UCKL1: variants seen among roughly 807,000 people sequenced by gnomAD.
The protein encoded by UCKL1 is uridine-cytidine kinase-like 1.
A neutral mutation model predicts 59.2 loss-of-function variants in UCKL1; 65 were observed. The observed-to-expected ratio is 1.10, with a 90% CI of 0.90 to 1.35. UCKL1 has a LOEUF of 1.35. UCKL1 is among the 40% of genes most tolerant of loss of function. The pLI, the probability that UCKL1 is intolerant of heterozygous loss-of-function variation, is 0.00. For missense variants in UCKL1, 703 were observed against 784.3 expected, an observed-to-expected ratio of 0.90 and a Z score of 1.24; for synonymous variants, 410 against 323.1, an observed-to-expected ratio of 1.27 and a Z score of -2.88.
chr20:63,942,307 A>G (rs1163026596), intron 8 of UCKL1: 2 of 479,558 alleles, frequency 4.2e-6, no homozygotes, highest in African/African-American at 5.2e-5. Flanking sequence ...CGGCAGGGAA[A>G]GGGGCGGGGC....
chr20:63,949,196 G>A (rs1352452592), intron 1 of UCKL1, among the ~76,000 whole-genome samples: 1 of 152,142 alleles, frequency 6.6e-6, no homozygotes, highest in Non-Finnish European at 1.5e-5. Flanking sequence ...GCCTCACCTC[G>A]GCTCCGGAGA....
chr20:63,956,207 A>T, intron 1 of UCKL1, 53 bp downstream of exon 1: 1 of 1,426,436 alleles, frequency 7.0e-7, no homozygotes, highest in Non-Finnish European at 9.2e-7. Context: ...GCTCGGCCGG[A>T]TCTGCAGCCC....
rs757535570 is a variant in UCKL1 at position 63,941,079 on chromosome 20, G to A, written c.1022+31C>T. On this transcript the variant is annotated intron_variant, in intron 9 of 14. Transcript: ENST00000354216. The stretch of plus-strand genomic sequence containing the variant: ...AACAGTTGAGCGGGAGCACGCGCCC[G>A]GGGCCGCCCCGTCCCCAGGTGGGCC... 8.1e-6 allele frequency: 13 copies of A among 1,598,536 alleles called. No individual in the cohort carries two copies. In the Admixed American group the frequency reaches 8.7e-5, roughly 11 times the overall value.
chr20:63,948,873 A>G (rs2057098629), intron 1 of UCKL1, among the ~76,000 whole-genome samples: 2 of 151,954 alleles, frequency 1.3e-5, no homozygotes, highest in Non-Finnish European at 2.9e-5. Context: ...TGAAGGTGGC[A>G]TCTCCAGCGT....
At position 63,940,881 on chromosome 20, in the gene UCKL1, C is replaced by T. The variant is rs201761843; in HGVS notation, c.1117-25G>A. 37 of 1,528,270 alleles carry T rather than the reference C, an allele frequency of 2.4e-5. No homozygotes were observed. In the African/African-American group the frequency reaches 4.9e-4, roughly 20 times the overall value. The allele number at this position is 1,528,270 out of a possible 1,614,324, so 94.7% of individuals were successfully genotyped here. On this transcript the variant is annotated intron_variant, in intron 10 of 14. Coordinates refer to ENST00000354216, the MANE Select transcript of UCKL1 (RefSeq NM_017859.4). ...CCTGTGGGGTGCAGGGTGAGGACTC[C>T]GGTGAGCGCAGGGAGCTCGCACCGG...
In UCKL1 at chr20:63,945,714, C is replaced by T. The variant is rs756610195; in HGVS notation, c.591G>A (p.Leu197=). Residue 197 remains leucine, a synonymous_variant, in exon 5 of 15, where the codon CTG becomes CTA. Transcript: ENST00000354216. ...CAAAGATGATGACGTTTGCACCATA[C>T]AGTGTTTTCTGTGAAGAAACCCAGG... The part of the protein sequence containing the change: ...THSRKKDWKT[L]YGANVIIFEG... 5.6e-6 allele frequency: 9 copies of T among 1,612,966 alleles called. No homozygotes were observed. The highest frequency in any genetic ancestry group is 1.3e-5 in the African/African-American group (1 of 74,924).
At chr20:63,945,592 T>G (rs1166934586) in intron 5 of UCKL1, 59 bp downstream of exon 5, 6 of 1,579,774 alleles carry the variant, frequency 3.8e-6, no homozygotes, top group African/African-American at 1.3e-5. Flanking sequence ...GCACACCTCA[T>G]GGACAGGGCG....
chr20:63,952,971 C>G (rs1009884346), intron 1 of UCKL1, among the ~76,000 whole-genome samples: 1 of 152,258 alleles, frequency 6.6e-6, no homozygotes, highest in Non-Finnish European at 1.5e-5. Context: ...CACAGGTGGC[C>G]GGGCGCGGTG....
At chr20:63,956,183 G>T (rs994928363) in intron 1 of UCKL1, 77 bp downstream of exon 1, 27 of 1,307,432 alleles carry the variant, frequency 2.1e-5, no homozygotes, top group Non-Finnish European at 2.6e-5. Flanking sequence ...CGGCGGGGAC[G>T]GACCACCCGC....
chr20:63,944,753 C>T lies in UCKL1; in HGVS notation c.655-19G>A. ...CCAGGAGCTGGTGGAGACAGCGGGCCAGTGAGTGGCCAGATGCCAGCAGTG... is the reference window on the plus strand; with the variant it reads ...CCAGGAGCTGGTGGAGACAGCGGGCTAGTGAGTGGCCAGATGCCAGCAGTG... On this transcript the variant is annotated intron_variant, in intron 5 of 14. Transcript: ENST00000354216. 1.9e-6 allele frequency: 3 copies of T among 1,610,812 alleles called. No individual in the cohort carries two copies. Among genetic ancestry groups the T allele is most frequent in the Non-Finnish European group, 2.5e-6 (3 of 1,179,564 alleles).
At chr20:63,949,981 C>T (rs933403750) in intron 1 of UCKL1, among the ~76,000 whole-genome samples, 3 of 152,264 alleles carry the variant, frequency 2.0e-5, no homozygotes, top group Non-Finnish European at 4.4e-5. Flanking sequence ...CAGCAGGAGC[C>T]TTCCAACCCC....
At chr20:63,948,651 G>T (rs1601239641) in intron 1 of UCKL1, among the ~76,000 whole-genome samples, 3 of 145,406 alleles carry the variant, frequency 2.1e-5, no homozygotes, top group African/African-American at 2.5e-5. Flanking sequence ...TGTGTGAGAG[G>T]GAGGGGCGTG....
chr20:63,946,452 C>A lies in UCKL1; in HGVS notation c.304+1G>T. On this transcript the variant is annotated splice_donor_variant, in intron 2 of 14. Coordinates refer to ENST00000354216, the MANE Select transcript of UCKL1 (RefSeq NM_017859.4). LOFTEE classifies it high-confidence loss of function. ...AGGTCCCACCCCCCCGCTGCTCTCACCGATGGCGAAGGCCTCTTTGGATTG... is the reference window on the plus strand; with the variant it reads ...AGGTCCCACCCCCCCGCTGCTCTCAACGATGGCGAAGGCCTCTTTGGATTG... The A allele has an allele frequency of 6.4e-7, 1 of 1,554,338 alleles. No homozygotes were observed. Among genetic ancestry groups the A allele is most frequent in the Non-Finnish European group, 8.7e-7 (1 of 1,149,052 alleles).
At chr20:63,942,959 GGAGGGCTCTGAATGT>G (rs1458180702) in intron 8 of UCKL1, among the ~76,000 whole-genome samples, 3 of 152,192 alleles carry the variant, frequency 2.0e-5, no homozygotes, top group Admixed American at 1.3e-4. Context: ...CAAACTCTTT[GGAGGGCTCTGAATGT>G]GAGGGCTCTC....
chr20:63,941,383 C>G (rs964581469), intron 8 of UCKL1, 175 bp from the exon 9 acceptor site: 1 of 1,004,660 alleles, frequency 1.0e-6, no homozygotes, highest in Non-Finnish European at 1.5e-6. Flanking sequence ...GTCGCCCTAC[C>G]TGAGCTGTCA....
chr20:63,942,585 T>G, intron 8 of UCKL1: 1 of 854,944 alleles, frequency 1.2e-6, no homozygotes, highest in Non-Finnish European at 1.6e-6. Context: ...GGCTGCTTAG[T>G]TGGGGAGCAG....
chr20:63,955,908 C>G (rs890021704), intron 1 of UCKL1: 12 of 181,856 alleles, frequency 6.6e-5, no homozygotes, highest in African/African-American at 2.4e-4. Context: ...GGCCACACCC[C>G]GAGCCGACAA....
Position 63,939,883 on chromosome 20 carries a change from A to T in UCKL1, c.*93T>A. 9.6e-7 allele frequency: 1 copy of T among 1,039,664 alleles called. No homozygotes were observed. Among genetic ancestry groups the T allele is most frequent in the Non-Finnish European group, 1.4e-6 (1 of 698,908 alleles). 64.4% of individuals were successfully genotyped at this position (1,039,664 alleles called of 1,614,324 possible). On this transcript the variant is annotated 3_prime_UTR_variant, in exon 15 of 15. Transcript: ENST00000354216. The stretch of plus-strand genomic sequence containing the variant: ...TAAAATGCATAGAATAAATTATACT[A>T]GTAACATTTTAAAAATTAACATCTT...
At chr20:63,953,260 T>C (rs947132606) in intron 1 of UCKL1, 3 of 152,282 alleles carry the variant, frequency 2.0e-5, no homozygotes, top group Admixed American at 6.5e-5. Context: ...ATGCCTGTAA[T>C]CCCAGCTACT....
Sources: gnomAD v4.1 joint callset for allele counts (sites outside exome capture counted in the v4.1 genomes callset) on GRCh38, gnomAD v4.1.1 for gene constraint, MANE v1.5 for transcripts, NCBI Gene and HGNC (gene_info 2026-07-23, HGNC 2026-07-21) for gene names.